Variants in ANKRD28 observed in about 807,000 individuals in gnomAD.
ANKRD28 encodes ankyrin repeat domain 28, also known as serine/threonine-protein phosphatase 6 regulatory ankyrin repeat subunit A.
In ANKRD28, 44 loss-of-function variants were observed where a neutral mutation model predicts 126.5. The ratio of observed to expected loss-of-function variants is 0.35; its 90% CI spans 0.27 to 0.45. ANKRD28 has a LOEUF of 0.45. ANKRD28 is among the 20% of genes least tolerant of loss of function. The probability of loss-of-function intolerance (pLI) is 1.00; values close to 1 mark genes in which losing one functional copy is unlikely to be tolerated. For synonymous variants in ANKRD28, 442 were observed against 468.5 expected, an observed-to-expected ratio of 0.94 and a Z score of 0.73; for missense variants, 1,110 against 1,316.6, an observed-to-expected ratio of 0.84 and a Z score of 2.43.
chr3:15,796,518 T>C lies in ANKRD28; in HGVS notation c.4A>G (p.Ser2Gly). Residue 2 changes from serine (S) to glycine (G), a missense_variant, in exon 1 of 28, where the codon AGT (serine) becomes GGT (glycine). By Grantham distance (56) the Ser-to-Gly change is moderately conservative (BLOSUM62 0). Coordinates refer to ENST00000683139, the MANE Select transcript of ANKRD28 (RefSeq NM_001349278.2). Reference protein sequence around the residue: MSRVCIVVLEEV... With the variant: MGRVCIVVLEEV... Reference sequence around the variant, plus strand: ...TCCAAAACAACAATACACACTCGACTCATTCGATCTTTTAAAACACTAAAT... The same window carrying C: ...TCCAAAACAACAATACACACTCGACCCATTCGATCTTTTAAAACACTAAAT... The C allele has an allele frequency of 7.8e-7, 1 of 1,282,636 alleles. No individual in the cohort carries two copies. The highest frequency in any genetic ancestry group is 1.0e-6 in the Non-Finnish European group (1 of 985,102). 79.5% of individuals were successfully genotyped at this position (1,282,636 alleles called of 1,614,324 possible).
chr3:15,753,872 A>C (rs1261451196), intron 3 of ANKRD28, among the ~76,000 whole-genome samples: 1 of 152,082 alleles, frequency 6.6e-6, no homozygotes, highest in African/African-American at 2.4e-5. Flanking sequence ...TGAACCCGGG[A>C]GGAAGAGGTT....
chr3:15,810,497 C>T (rs1575749196), intron 1 of ANKRD28, among the ~76,000 whole-genome samples: 1 of 147,416 alleles, frequency 6.8e-6, no homozygotes, highest in Non-Finnish European at 1.5e-5. Flanking sequence ...CACAGTGAAA[C>T]TATATCTAAT....
intron 1 of ANKRD28, among the ~76,000 whole-genome samples, chr3:15,808,332 G>C (rs975147840): frequency 6.6e-6 from 1 of 152,038 alleles, no homozygotes; most frequent in Non-Finnish European, 1.5e-5. Flanking sequence ...GTTTCACATC[G>C]ATCTTCCCAC....
At chr3:15,680,793 G>A (rs953091571) in intron 21 of ANKRD28, among the ~76,000 whole-genome samples, 1 of 150,740 alleles carries the variant, frequency 6.6e-6, no homozygotes, top group Non-Finnish European at 1.5e-5. Flanking sequence ...AGCCTCCTGA[G>A]TTGCTAAGAC....
At chr3:15,712,407 A>G (rs1215754108) in intron 10 of ANKRD28, among the ~76,000 whole-genome samples, 185 bp from the exon 11 acceptor site, 1 of 152,212 alleles carries the variant, frequency 6.6e-6, no homozygotes, top group Non-Finnish European at 1.5e-5. Context: ...TTTTTCTCCA[A>G]AAGTCAGGTT....
At chr3:15,701,527 C>A (rs945375035) in intron 14 of ANKRD28, among the ~76,000 whole-genome samples, 2 of 151,990 alleles carry the variant, frequency 1.3e-5, no homozygotes, top group Non-Finnish European at 2.9e-5. Flanking sequence ...ACCTGTAATC[C>A]CAGCTCCTCG....
At chr3:15,714,470 C>T in intron 9 of ANKRD28, 108 bp downstream of exon 9, 2 of 767,910 alleles carry the variant, frequency 2.6e-6, no homozygotes, top group East Asian at 3.1e-5. Context: ...ATTAAAAATA[C>T]ACAAAATGCG....
In ANKRD28 at chr3:15,797,415, A is replaced by G; in HGVS notation, c.-894T>C. 1.0e-6 allele frequency: 1 copy of G among 985,418 alleles called. No homozygotes were observed. The highest frequency in any genetic ancestry group is 1.2e-6 in the Non-Finnish European group (1 of 829,964). The allele number at this position is 985,418 out of a possible 1,614,324, so 61.0% of individuals were successfully genotyped here. A position where few individuals can be genotyped will look rare whatever the true frequency, so the allele number is the denominator to read the frequency against. The stretch of plus-strand genomic sequence containing the variant: ...AGCGTTCATTCTTTCTCCATCAGGC[A>G]GTTGTCTGTGGCTGCTCCAGCAAAA... On this transcript the variant is annotated 5_prime_UTR_variant, in exon 1 of 28. Coordinates refer to ENST00000683139, the MANE Select transcript of ANKRD28 (RefSeq NM_001349278.2).
chr3:15,676,915 A>G, intron 26 of ANKRD28, 59 bp downstream of exon 26: 3 of 1,416,930 alleles, frequency 2.1e-6, no homozygotes, highest in Non-Finnish European at 3.0e-6. Context: ...AAAAAAATCC[A>G]TTTATCATTT....
intron 7 of ANKRD28, among the ~76,000 whole-genome samples, chr3:15,724,124 G>A (rs1482734377): frequency 6.6e-6 from 1 of 152,086 alleles, no homozygotes; most frequent in Non-Finnish European, 1.5e-5. Context: ...GAACTACAGG[G>A]CCTGGAACGT....
rs540612022 is a variant in ANKRD28, at chr3:15,822,313, A to G, written c.28-27007T>C. Among the ~76,000 whole-genome samples the G allele has an allele frequency of 5.3e-5, 8 of 152,194 alleles. No homozygotes were observed. In the East Asian group the frequency reaches 9.6e-4, roughly 18 times the overall value. ...GCTTTTTTGGGGAGTTGTTGGGGGG[A>G]GATCGAGGCATTTAGGAAAACCTCT... On this transcript the variant is annotated intron_variant, in intron 1 of 27. Coordinates refer to the ANKRD28 transcript ENST00000399451.
At chr3:15,808,581 T>C (rs767228115) in intron 1 of ANKRD28, among the ~76,000 whole-genome samples, 14 of 152,248 alleles carry the variant, frequency 9.2e-5, no homozygotes, top group Non-Finnish European at 1.6e-4. Context: ...CTTTGCAGTC[T>C]AATGGGAAGA....
rs373009412 is a variant in ANKRD28 at position 15,721,006 on chromosome 3, C to A, written c.905G>T (p.Gly302Val). 6.8e-6 allele frequency: 11 copies of A among 1,613,730 alleles called. No individual in the cohort carries two copies. Among genetic ancestry groups the A allele is most frequent in the African/African-American group, 1.3e-5 (1 of 74,900 alleles). The change falls in exon 8 of 28, where the codon GGA becomes GTA. Residue 302 changes from glycine to valine, a missense_variant. By Grantham distance (109) the Gly-to-Val change is moderately radical. Transcript: ENST00000683139. Reference protein sequence around the residue: ...GAIVNQKNEKGFTPLHFAAAS... With the variant: ...GAIVNQKNEKVFTPLHFAAAS... Reference sequence around the variant, plus strand: ...AGCAGCAAAGTGCAAAGGAGTAAATCCTTTTTCATTCTTTTGATTCACAAT... The same window carrying A: ...AGCAGCAAAGTGCAAAGGAGTAAATACTTTTTCATTCTTTTGATTCACAAT...
intron 1 of ANKRD28, among the ~76,000 whole-genome samples, chr3:15,852,828 G>A (rs2061682021): frequency 1.2e-5 from 1 of 83,288 alleles, no homozygotes; most frequent in African/African-American, 4.9e-5. Context: ...GCGAGACTCT[G>A]TCTCAAAAAA....
chr3:15,840,818 A>C (rs1200858340), intron 1 of ANKRD28, among the ~76,000 whole-genome samples: 3 of 152,218 alleles, frequency 2.0e-5, no homozygotes, highest in African/African-American at 7.2e-5. Context: ...AAATGGTGCC[A>C]GGAAAACTGG....
At chr3:15,800,106 C>T (rs1001143797), upstream of ANKRD28, among the ~76,000 whole-genome samples, 4 of 151,944 alleles carry the variant, frequency 2.6e-5, no homozygotes, top group African/African-American at 9.7e-5. Context: ...AGGAGTCAGC[C>T]CACCTGAAGT....
At chr3:15,718,910 A>G (rs1237837995) in intron 8 of ANKRD28, among the ~76,000 whole-genome samples, 1 of 152,194 alleles carries the variant, frequency 6.6e-6, no homozygotes, top group Non-Finnish European at 1.5e-5. Flanking sequence ...TTTGAGGAAA[A>G]AACTAACTTT....
At chr3:15,689,217 G>A (rs2068498357) in intron 18 of ANKRD28, among the ~76,000 whole-genome samples, 1 of 152,140 alleles carries the variant, frequency 6.6e-6, no homozygotes, top group South Asian at 2.1e-4. Flanking sequence ...TGGGCCACTG[G>A]GTTTTAGAGG....
intron 1 of ANKRD28, among the ~76,000 whole-genome samples, chr3:15,837,828 T>G (rs374886398): frequency 2.2e-5 from 3 of 134,500 alleles, no homozygotes. Context: ...AAGAAGAAAA[T>G]GAAAACCAAA....
Sources: allele counts gnomAD v4.1 joint callset (sites outside exome capture counted in the v4.1 genomes callset), GRCh38; gene constraint gnomAD v4.1.1; transcripts MANE v1.5; gene names NCBI Gene and HGNC (gene_info 2026-07-23, HGNC 2026-07-21).